Variants in RASAL2 observed in about 807,000 individuals in gnomAD.
The protein encoded by RASAL2 is ras GTPase-activating protein nGAP.
Under a neutral mutation model 128.9 loss-of-function variants are expected in RASAL2, and 58 were observed. The observed-to-expected ratio is 0.45, with a 90% CI of 0.36 to 0.56. The LOEUF (loss-of-function observed/expected upper bound fraction) is 0.56. RASAL2 is among the 20% of genes least tolerant of loss of function. RASAL2 has a pLI of 0.00. For missense variants in RASAL2, 1,360 were observed against 1,601.6 expected (o/e 0.85, Z 2.57); for synonymous variants, 561 against 580.8 (o/e 0.97, Z 0.49).
At position 178,385,312 on chromosome 1, in the gene RASAL2, T is replaced by G. The variant is rs1039292692; in HGVS notation, c.458-4788T>G. Among the ~76,000 whole-genome samples the G allele has an allele frequency of 2.6e-5, 4 of 151,910 alleles. No individual in the cohort carries two copies. In the East Asian group the frequency reaches 5.8e-4, roughly 22 times the overall value. On this transcript the variant is annotated intron_variant, in intron 3 of 17. Transcript: ENST00000367649. ...TAGAAACAGGCATGGTGGCACACACTTATAGTCCCAGCTACTCAGGAGGCT... is the reference window on the plus strand; with the variant it reads ...TAGAAACAGGCATGGTGGCACACACGTATAGTCCCAGCTACTCAGGAGGCT...
At chr1:178,378,536 G>A (rs1672115471) in intron 3 of RASAL2, among the ~76,000 whole-genome samples, 1 of 152,000 alleles carries the variant, frequency 6.6e-6, no homozygotes, top group Non-Finnish European at 1.5e-5. Flanking sequence ...ACTGGCAATA[G>A]ACCAGGTCAT....
intron 3 of RASAL2, among the ~76,000 whole-genome samples, chr1:178,340,398 C>A (rs772035573): frequency 2.0e-5 from 3 of 151,924 alleles, no homozygotes; most frequent in Non-Finnish European, 4.4e-5. Flanking sequence ...TATGTTAGGT[C>A]ATCATATTAA....
chr1:178,414,259 A>G (rs1674603633), intron 4 of RASAL2, among the ~76,000 whole-genome samples: 2 of 152,208 alleles, frequency 1.3e-5, no homozygotes, highest in African/African-American at 2.4e-5. Context: ...AGGTAAAACT[A>G]TGGAATCAGT....
At chr1:178,243,491 G>A (rs569234321) in intron 1 of RASAL2, among the ~76,000 whole-genome samples, 1 of 152,058 alleles carries the variant, frequency 6.6e-6, no homozygotes, top group African/African-American at 2.4e-5. Context: ...CACTGGGGAA[G>A]GGGAGTCCCA....
rs2102979869 is a variant in RASAL2, at chr1:178,474,635, A to G, written c.*1396A>G. ...GGTGTGCAATGTCATCTTGAATGCAACCTTGATTACCAGAAGTATGGAAGG... is the reference window on the plus strand; with the variant it reads ...GGTGTGCAATGTCATCTTGAATGCAGCCTTGATTACCAGAAGTATGGAAGG... On this transcript the variant is annotated 3_prime_UTR_variant, in exon 18 of 18. Transcript: ENST00000367649. 1 of 152,060 alleles carries G rather than the reference A, an allele frequency of 6.6e-6. No homozygotes were observed. The highest frequency in any genetic ancestry group is 2.4e-5 in the African/African-American group (1 of 41,502). 9.4% of individuals were successfully genotyped at this position (152,060 alleles called of 1,614,324 possible).
rs1648647786 is a variant in RASAL2, at chr1:178,476,029, A to G, written c.*2790A>G. 1 of 152,266 alleles carries G rather than the reference A, an allele frequency of 6.6e-6. No homozygotes were observed. Among genetic ancestry groups the G allele is most frequent in the African/African-American group, 2.4e-5 (1 of 41,470 alleles). 9.4% of individuals were successfully genotyped at this position (152,266 alleles called of 1,614,324 possible). ...ATAATTTTTATGGAGATGTTTCTTAATTGGCTTTCCCTCAGTTCAAGTAGG... is the reference window on the plus strand; with the variant it reads ...ATAATTTTTATGGAGATGTTTCTTAGTTGGCTTTCCCTCAGTTCAAGTAGG... On this transcript the variant is annotated 3_prime_UTR_variant, in exon 18 of 18. Transcript: ENST00000367649.
At chr1:178,372,653 C>G (rs1021686386) in intron 3 of RASAL2, among the ~76,000 whole-genome samples, 2 of 152,136 alleles carry the variant, frequency 1.3e-5, no homozygotes, top group Admixed American at 6.6e-5. Flanking sequence ...TTACTTTACT[C>G]TCAATACAGT....
intron 1 of RASAL2, chr1:178,194,431 C>T (rs1662592009): frequency 9.2e-6 from 2 of 217,242 alleles, no homozygotes; most frequent in Admixed American, 8.3e-5. Flanking sequence ...TGTCTTCCAA[C>T]ACATCCACCA....
chr1:178,323,902 A>G (rs969643044), intron 3 of RASAL2, among the ~76,000 whole-genome samples: 1 of 152,208 alleles, frequency 6.6e-6, no homozygotes, highest in African/African-American at 2.4e-5. Context: ...TTTAGCAGTT[A>G]TTTCACAGAT....
intron 1 of RASAL2, among the ~76,000 whole-genome samples, chr1:178,233,383 C>A (rs553107261): frequency 6.6e-6 from 1 of 152,116 alleles, no homozygotes; most frequent in Non-Finnish European, 1.5e-5. Context: ...GAGATAGGAA[C>A]AAGTTTAAAG....
chr1:178,472,196 A>C (rs1648335733), intron 17 of RASAL2, among the ~76,000 whole-genome samples: 5 of 152,220 alleles, frequency 3.3e-5, no homozygotes, highest in Non-Finnish European at 7.3e-5. Flanking sequence ...AAAAAATTTT[A>C]GATAGTCCTA....
At chr1:178,257,833 C>A (rs1665447706) in intron 1 of RASAL2, among the ~76,000 whole-genome samples, 3 of 135,366 alleles carry the variant, frequency 2.2e-5, no homozygotes, top group Non-Finnish European at 1.6e-5. Flanking sequence ...AGAGTGAGAC[C>A]CTGTCTCAAA....
intron 1 of RASAL2, among the ~76,000 whole-genome samples, chr1:178,229,476 AC>A (rs1663917609): frequency 6.7e-6 from 1 of 150,250 alleles, no homozygotes; most frequent in African/African-American, 2.4e-5. Flanking sequence ...ATTTTGTAGA[AC>A]TTTTTTTTTT....
chr1:178,147,935 G>A (rs1220051322), intron 1 of RASAL2, among the ~76,000 whole-genome samples: 1 of 152,042 alleles, frequency 6.6e-6, no homozygotes, highest in Non-Finnish European at 1.5e-5. Flanking sequence ...GCCAGGCATG[G>A]TGGTGCATGC....
At chr1:178,392,286 C>G (rs1672959375) in intron 4 of RASAL2, among the ~76,000 whole-genome samples, 1 of 152,036 alleles carries the variant, frequency 6.6e-6, no homozygotes, top group Non-Finnish European at 1.5e-5. Flanking sequence ...GTTTCAAAGT[C>G]TGAAAGAAAA....
intron 3 of RASAL2, among the ~76,000 whole-genome samples, chr1:178,380,324 A>G (rs1426239176): frequency 2.6e-5 from 4 of 152,228 alleles, no homozygotes; most frequent in African/African-American, 9.6e-5. Flanking sequence ...AGAGATCAAA[A>G]GAAAAAGAAA....
intron 3 of RASAL2, among the ~76,000 whole-genome samples, chr1:178,305,668 G>A (rs556563554): frequency 2.6e-5 from 4 of 152,256 alleles, no homozygotes; most frequent in South Asian, 2.1e-4. Context: ...TTTTGCACAC[G>A]TTAAGTTTGA....
intron 5 of RASAL2, among the ~76,000 whole-genome samples, chr1:178,431,427 T>G (rs571663874): frequency 1.4e-4 from 21 of 152,172 alleles, no homozygotes; most frequent in African/African-American, 4.8e-4. Flanking sequence ...CAAAAGATTT[T>G]GAAGTTCAGC....
intron 1 of RASAL2, among the ~76,000 whole-genome samples, chr1:178,170,436 G>A (rs1661667996): frequency 6.6e-6 from 1 of 151,592 alleles, no homozygotes; most frequent in South Asian, 2.1e-4. Context: ...TTCTTTCATT[G>A]TAGTAAAATA....
Sources: allele counts gnomAD v4.1 joint callset (sites outside exome capture counted in the v4.1 genomes callset), GRCh38; gene constraint gnomAD v4.1.1; transcripts MANE v1.5; gene names NCBI Gene and HGNC (gene_info 2026-07-23, HGNC 2026-07-21).